SULT6B1: variants seen among roughly 807,000 people sequenced by gnomAD.
SULT6B1 encodes the protein sulfotransferase 6B1.
SULT6B1 carries 44 observed loss-of-function variants against 37.2 expected under a neutral mutation model. The observed-to-expected ratio is 1.18, with a 90% CI of 0.93 to 1.52. The LOEUF (loss-of-function observed/expected upper bound fraction) is 1.52, where lower values mean the gene tolerates loss of function less well. Among genes scored for constraint, SULT6B1 ranks in the 40% most tolerant of loss-of-function variants. The pLI is 0.00. For synonymous variants in SULT6B1, 140 were observed against 126.0 expected, an observed-to-expected ratio of 1.11 and a Z score of -0.74; for missense variants, 450 against 361.0, an observed-to-expected ratio of 1.25 and a Z score of -2.00.
chr2:37,176,301 C>A (rs532119675), intron 4 of SULT6B1, among the ~76,000 whole-genome samples: 1 of 116,832 alleles, frequency 8.6e-6, no homozygotes, highest in Admixed American at 1.3e-4. Context: ...CTCACTCTGT[C>A]ACCCCGGCTG....
In SULT6B1 at chr2:37,183,411, G is replaced by A. The variant is rs11569752; in HGVS notation, c.402+14C>T. The A allele has an allele frequency of 0.03, 48,894 of 1,603,672 alleles. 902 individuals are homozygous for A. The highest frequency in any genetic ancestry group is 0.037 in the Middle Eastern group (226 of 6,028). The stretch of plus-strand genomic sequence containing the variant: ...AGAAATTTCAAAGAATTATCAGTAG[G>A]AAAGGACACTCACCTTGGCTTTATT... On this transcript the variant is annotated intron_variant, in intron 3 of 6. Transcript: ENST00000535679.
intron 4 of SULT6B1, among the ~76,000 whole-genome samples, chr2:37,179,165 A>G (rs1202539012): frequency 2.0e-5 from 3 of 152,072 alleles, no homozygotes; most frequent in Non-Finnish European, 4.4e-5. Context: ...TCACCGTGTT[A>G]GCCAGGACAG....
At chr2:37,180,118 A>G (rs1676518402) in intron 3 of SULT6B1, among the ~76,000 whole-genome samples, 1 of 152,228 alleles carries the variant, frequency 6.6e-6, no homozygotes, top group African/African-American at 2.4e-5. Flanking sequence ...AACATCGTAA[A>G]GAACAAACTG....
chr2:37,186,837 A>C (rs1034110268), intron 2 of SULT6B1, among the ~76,000 whole-genome samples: 1 of 152,202 alleles, frequency 6.6e-6, no homozygotes, highest in African/African-American at 2.4e-5. Flanking sequence ...TCGAGGCTGC[A>C]GTGAGCCATG....
rs1317225936 is a variant in SULT6B1, at chr2:37,179,323, C to T, written c.529+135G>A. On this transcript the variant is annotated intron_variant, in intron 4 of 6. Coordinates refer to ENST00000535679, the MANE Select transcript of SULT6B1 (RefSeq NM_001367551.1). ...ATGCACAGAACTAATGGTGCTATGA[C>T]CGTTCATTTAAATGAAACTTTTTGG... 6.4e-6 allele frequency: 7 copies of T among 1,088,394 alleles called. No homozygotes were observed. The East Asian group carries it at 1.2e-4, about 19-fold the overall frequency. 67.4% of individuals were successfully genotyped at this position (1,088,394 alleles called of 1,614,324 possible).
At chr2:37,177,644 AATGACAGTTAATG>A (rs1258169192) in intron 4 of SULT6B1, among the ~76,000 whole-genome samples, 1 of 152,114 alleles carries the variant, frequency 6.6e-6, no homozygotes, top group East Asian at 1.9e-4. Context: ...ACAGCATGAG[AATGACAGTTAATG>A]ATGACAGTTA....
chr2:37,187,782 T>G (rs185702578), intron 1 of SULT6B1, among the ~76,000 whole-genome samples: 1 of 152,302 alleles, frequency 6.6e-6, no homozygotes, highest in East Asian at 1.9e-4. Flanking sequence ...TTATAAGTTG[T>G]ATATATTATT....
At chr2:37,171,395 C>A in intron 6 of SULT6B1, 39 bp downstream of exon 6, 3 of 1,600,990 alleles carry the variant, frequency 1.9e-6, no homozygotes, top group Non-Finnish European at 2.6e-6. Flanking sequence ...AAAGTCAGTC[C>A]CTAACTGATA....
chr2:37,193,652 G>GGAGA (rs1558455013), upstream of SULT6B1, among the ~76,000 whole-genome samples: 6 of 46,754 alleles, frequency 1.3e-4, no homozygotes, highest in Non-Finnish European at 2.7e-4. Context: ...GAAGAAGAAG[G>GGAGA]AGAAGAAGGA....
At chr2:37,168,911 G>A (rs115147680) in intron 6 of SULT6B1, among the ~76,000 whole-genome samples, 1,550 of 152,174 alleles carry the variant, frequency 0.01, 17 homozygotes, top group African/African-American at 0.035. Context: ...AGAGTTTAAT[G>A]ACATGAAGAA....
intron 1 of SULT6B1, chr2:37,194,516 T>C (rs1676852648): frequency 1.0e-5 from 4 of 382,724 alleles, no homozygotes; most frequent in South Asian, 8.6e-5. Context: ...CCTTATTCCT[T>C]TGGCAAAGAC....
At chr2:37,170,792 A>G (rs897545774) in intron 6 of SULT6B1, among the ~76,000 whole-genome samples, 1 of 151,272 alleles carries the variant, frequency 6.6e-6, no homozygotes, top group Admixed American at 6.6e-5. Flanking sequence ...AAAGTTATTT[A>G]AAGGGGGCTC....
chr2:37,188,354 G>T, intron 1 of SULT6B1, 88 bp downstream of exon 1: 1 of 1,141,542 alleles, frequency 8.8e-7, no homozygotes, highest in South Asian at 1.5e-5. Context: ...CTGCAATGAG[G>T]AACCGCCTTC....
intron 1 of SULT6B1, among the ~76,000 whole-genome samples, chr2:37,193,770 T>C (rs1025340198): frequency 3.9e-5 from 6 of 152,206 alleles, no homozygotes; most frequent in Non-Finnish European, 5.9e-5. Context: ...TGGAGGTCCC[T>C]ATGGCCACTA....
chr2:37,172,675 T>G (rs1015148026), intron 5 of SULT6B1, among the ~76,000 whole-genome samples: 1 of 151,482 alleles, frequency 6.6e-6, no homozygotes, highest in Non-Finnish European at 1.5e-5. Context: ...GCCTGGCTAA[T>G]TTTTGTATTT....
chr2:37,183,454 G>C lies in SULT6B1; in HGVS notation c.373C>G (p.Pro125Ala). ...LATHLHYDKL[P>A]GSIFENKAKI... ...GCTTTATTCTCGAAGATAGACCCAGGTAATTTGTCATAGTGGAGGTGAGTT... is the reference window on the plus strand; with the variant it reads ...GCTTTATTCTCGAAGATAGACCCAGCTAATTTGTCATAGTGGAGGTGAGTT... The change falls in exon 3 of 7, where the codon CCT becomes GCT. Residue 125 changes from proline (P) to alanine (A), a missense_variant. Pro to Ala is a conservative substitution (Grantham distance 27, BLOSUM62 -1). Transcript: ENST00000535679. 6.2e-7 allele frequency: 1 copy of C among 1,614,102 alleles called. No individual in the cohort carries two copies. Among genetic ancestry groups the C allele is most frequent in the South Asian group, 1.1e-5 (1 of 91,086 alleles).
Position 37,168,993 on chromosome 2 carries a change from G to A in SULT6B1, c.782-928C>T, listed in dbSNP as rs142648266. Among the ~76,000 whole-genome samples the A allele has an allele frequency of 1.7e-4, 26 of 152,230 alleles. No homozygotes were observed. The East Asian group carries it at 4.6e-3, about 27-fold the overall frequency. On this transcript the variant is annotated intron_variant, in intron 6 of 6. Transcript: ENST00000535679. ...ACAAATGTCATCAGCTATATAAAAC[G>A]TCACAGAATAAGGGTGGAAGAAAAT...
At chr2:37,191,474 C>A (rs1676777378), upstream of SULT6B1, among the ~76,000 whole-genome samples, 1 of 152,160 alleles carries the variant, frequency 6.6e-6, no homozygotes, top group Non-Finnish European at 1.5e-5. Flanking sequence ...CTGGCTGCTG[C>A]TTTCCATTGT....
At chr2:37,168,189 C>G in intron 6 of SULT6B1, 124 bp from the exon 7 acceptor site, 1 of 987,930 alleles carries the variant, frequency 1.0e-6, no homozygotes, top group Non-Finnish European at 1.4e-6. Context: ...AAGCTTTACA[C>G]TCTTTATTTA....
Sources: allele counts gnomAD v4.1 joint callset (sites outside exome capture counted in the v4.1 genomes callset), GRCh38; gene constraint gnomAD v4.1.1; transcripts MANE v1.5; gene names NCBI Gene and HGNC (gene_info 2026-07-23, HGNC 2026-07-21).